Variants in LSAMP observed in about 807,000 individuals in gnomAD.
LSAMP encodes limbic system-associated membrane protein.
LSAMP carries 7 observed loss-of-function variants against 38.6 expected under a neutral mutation model. The ratio of observed to expected loss-of-function variants is 0.18; its 90% CI spans 0.10 to 0.34. The LOEUF is 0.34. Among genes scored for constraint, LSAMP ranks in the 10% least tolerant of loss-of-function variants. LSAMP has a pLI of 1.00. For synonymous variants in LSAMP, 154 were observed against 166.8 expected (o/e 0.92, Z 0.59); for missense variants, 313 against 420.0 (o/e 0.75, Z 2.23).
chr3:116,340,649 A>G (rs1165182494), intron 1 of LSAMP, among the ~76,000 whole-genome samples: 1 of 152,046 alleles, frequency 6.6e-6, no homozygotes, highest in Non-Finnish European at 1.5e-5. Flanking sequence ...GAAAAAAACT[A>G]CATATTTTGT....
At chr3:116,132,249 A>T (rs1709151023) in intron 1 of LSAMP, among the ~76,000 whole-genome samples, 1 of 152,142 alleles carries the variant, frequency 6.6e-6, no homozygotes, top group Non-Finnish European at 1.5e-5. Flanking sequence ...AAAAAAAAAA[A>T]AAAAGTCTAA....
chr3:115,904,498 C>T (rs1936960770), intron 3 of LSAMP, among the ~76,000 whole-genome samples: 1 of 152,128 alleles, frequency 6.6e-6, no homozygotes. Context: ...ATTTACCATA[C>T]AACTCCTGCG....
intron 1 of LSAMP, among the ~76,000 whole-genome samples, chr3:116,251,500 A>C (rs772348809): frequency 3.9e-5 from 6 of 152,250 alleles, no homozygotes; most frequent in Non-Finnish European, 7.3e-5. Context: ...TTAGCAAAGG[A>C]TAGGTCAGCA....
intron 1 of LSAMP, among the ~76,000 whole-genome samples, chr3:116,211,257 TA>T (rs1182374763): frequency 1.3e-5 from 2 of 152,188 alleles, no homozygotes; most frequent in African/African-American, 4.8e-5. Flanking sequence ...AGAATAAATC[TA>T]AGATACCTAT....
intron 1 of LSAMP, among the ~76,000 whole-genome samples, chr3:116,202,283 A>G (rs917916053): frequency 9.2e-5 from 14 of 151,726 alleles, no homozygotes; most frequent in African/African-American, 1.5e-4. Context: ...CTACAGGCGC[A>G]TGCCACCACA....
chr3:116,007,578 G>T (rs1374687553), intron 3 of LSAMP, among the ~76,000 whole-genome samples: 1 of 152,082 alleles, frequency 6.6e-6, no homozygotes, highest in East Asian at 1.9e-4. Context: ...CTGTGCAGTT[G>T]TTACTTCTAA....
chr3:116,277,078 A>G (rs560049644), intron 1 of LSAMP, among the ~76,000 whole-genome samples: 13 of 152,372 alleles, frequency 8.5e-5, no homozygotes, highest in South Asian at 2.1e-4. Context: ...CCATGCATCA[A>G]TGGATACCTG....
intron 1 of LSAMP, among the ~76,000 whole-genome samples, chr3:116,200,238 T>C (rs1382091045): frequency 6.6e-6 from 1 of 152,168 alleles, no homozygotes; most frequent in Admixed American, 6.5e-5. Flanking sequence ...CTGTGGTTAC[T>C]CTGAGATTTC....
intron 3 of LSAMP, among the ~76,000 whole-genome samples, chr3:115,972,880 TTA>T (rs1939063456): frequency 6.7e-6 from 1 of 148,906 alleles, no homozygotes; most frequent in African/African-American, 2.4e-5. Flanking sequence ...TTTTTATATA[TTA>T]TATATTATGT....
chr3:116,025,552 C>T (rs1920360), intron 2 of LSAMP, among the ~76,000 whole-genome samples: 18,842 of 151,988 alleles, frequency 0.12, 1,414 homozygotes, highest in Non-Finnish European at 0.18. Flanking sequence ...ATCTCAATTT[C>T]TTCTTTTTAT....
intron 1 of LSAMP, among the ~76,000 whole-genome samples, chr3:116,388,188 A>T (rs1340734878): frequency 6.6e-6 from 1 of 152,064 alleles, no homozygotes; most frequent in East Asian, 1.9e-4. Flanking sequence ...AAGCATGAAG[A>T]AAAAAAATGA....
chr3:116,067,871 C>T (rs766401245), intron 2 of LSAMP, among the ~76,000 whole-genome samples: 13 of 151,954 alleles, frequency 8.6e-5, no homozygotes, highest in South Asian at 2.1e-4. Flanking sequence ...AAGGTTTTGC[C>T]GATACATGCT....
At chr3:115,961,432 C>T (rs972042370) in intron 3 of LSAMP, among the ~76,000 whole-genome samples, 12 of 152,252 alleles carry the variant, frequency 7.9e-5, no homozygotes, top group South Asian at 2.1e-4. Flanking sequence ...GCAAGAAGCA[C>T]GAAGAAAAGC....
chr3:116,215,747 G>C (rs560497528), intron 1 of LSAMP, among the ~76,000 whole-genome samples: 1 of 152,100 alleles, frequency 6.6e-6, no homozygotes, highest in Non-Finnish European at 1.5e-5. Context: ...CCCAAAGTTG[G>C]GTATGGTTGT....
chr3:115,872,907 A>G (rs1040108833), intron 3 of LSAMP, among the ~76,000 whole-genome samples: 2 of 152,190 alleles, frequency 1.3e-5, no homozygotes, highest in African/African-American at 4.8e-5. Flanking sequence ...GCAACGTGAC[A>G]CATGCTAATA....
At chr3:115,965,708 T>C (rs188671681) in intron 3 of LSAMP, among the ~76,000 whole-genome samples, 1 of 147,908 alleles carries the variant, frequency 6.8e-6, no homozygotes, top group Admixed American at 6.7e-5. Flanking sequence ...AACACAAAAA[T>C]GAAAAATATA....
intron 2 of LSAMP, among the ~76,000 whole-genome samples, chr3:116,082,645 A>G (rs1045662560): frequency 6.6e-6 from 1 of 152,206 alleles, no homozygotes; most frequent in African/African-American, 2.4e-5. Flanking sequence ...CTAAGTGCCT[A>G]TCAATGACAG....
intron 1 of LSAMP, among the ~76,000 whole-genome samples, chr3:116,107,771 G>T (rs1708502141): frequency 6.6e-6 from 1 of 152,140 alleles, no homozygotes; most frequent in Admixed American, 6.5e-5. Flanking sequence ...GGGATTAAGG[G>T]TGCAAAGGAA....
chr3:116,143,845 T>C (rs1326015343), intron 1 of LSAMP, among the ~76,000 whole-genome samples: 1 of 151,964 alleles, frequency 6.6e-6, no homozygotes, highest in African/African-American at 2.4e-5. Context: ...CCTCCTTTGC[T>C]ACTTTCTATA....
Sources: allele counts gnomAD v4.1 joint callset (sites outside exome capture counted in the v4.1 genomes callset), GRCh38; gene constraint gnomAD v4.1.1; transcripts MANE v1.5; gene names NCBI Gene and HGNC (gene_info 2026-07-23, HGNC 2026-07-21).